The following CADM2 variants were observed in gnomAD, a reference collection of about 807,000 sequenced individuals.
CADM2 encodes the protein immunoglobulin superfamily member 4D.
Under a neutral mutation model 49.8 loss-of-function variants are expected in CADM2, and 12 were observed. That is an observed-to-expected ratio of 0.24 (90% CI 0.15 to 0.39). CADM2 has a LOEUF of 0.39. Among genes scored for constraint, CADM2 ranks in the 10% least tolerant of loss-of-function variants. CADM2 has a pLI of 1.00. For missense variants in CADM2, 378 were observed against 492.3 expected (o/e 0.77, Z 2.20); for synonymous variants, 214 against 175.4 (o/e 1.22, Z -1.74).
chr3:85,039,104 C>T (rs543379141), intron 1 of CADM2, among the ~76,000 whole-genome samples: 1 of 152,162 alleles, frequency 6.6e-6, no homozygotes, highest in Admixed American at 6.5e-5. Context: ...TCGGTTCAAG[C>T]GATTCTCCTG....
intron 1 of CADM2, among the ~76,000 whole-genome samples, chr3:85,415,099 A>G (rs1446489454): frequency 1.3e-5 from 2 of 152,192 alleles, no homozygotes; most frequent in African/African-American, 4.8e-5. Flanking sequence ...TTTGCTATAT[A>G]AAGTGTTGCC....
At position 85,312,971 on chromosome 3, in the gene CADM2, A is replaced by G. The variant is rs372458390; in HGVS notation, c.61+353303A>G. 4.6e-5 allele frequency among the ~76,000 whole-genome samples: 7 copies of G among 152,316 alleles called. No individual in the cohort carries two copies. In the East Asian group the frequency reaches 9.6e-4, roughly 21 times the overall value. The stretch of plus-strand genomic sequence containing the variant: ...TAGCTTCAACTGTGCATTTCCCCTT[A>G]TCACATTTAATCCCAGAGGCACATT... On this transcript the variant is annotated intron_variant, in intron 1 of 9. Coordinates refer to ENST00000383699, the MANE Select transcript of CADM2 (RefSeq NM_001167675.2).
intron 8 of CADM2, among the ~76,000 whole-genome samples, chr3:86,032,369 A>G (rs2107160474): frequency 6.6e-6 from 1 of 152,024 alleles, no homozygotes; most frequent in African/African-American, 2.4e-5. Flanking sequence ...AACATTTAGT[A>G]AACAATGCTA....
intron 1 of CADM2, among the ~76,000 whole-genome samples, chr3:85,695,620 A>G (rs1328918864): frequency 6.6e-6 from 1 of 152,002 alleles, no homozygotes; most frequent in African/African-American, 2.4e-5. Flanking sequence ...ACACAAACAC[A>G]CTTACATACA....
intron 8 of CADM2, among the ~76,000 whole-genome samples, chr3:86,022,318 A>C (rs1733298324): frequency 6.6e-6 from 1 of 152,100 alleles, no homozygotes; most frequent in African/African-American, 2.4e-5. Flanking sequence ...AATAACTATA[A>C]GCCTCAGTTA....
chr3:85,641,947 A>T (rs2064731147), intron 1 of CADM2, among the ~76,000 whole-genome samples: 1 of 152,170 alleles, frequency 6.6e-6, no homozygotes, highest in Non-Finnish European at 1.5e-5. Context: ...AATTAAAAAA[A>T]AGAAAGAATG....
At chr3:85,132,384 G>A (rs1385725823) in intron 1 of CADM2, among the ~76,000 whole-genome samples, 1 of 152,102 alleles carries the variant, frequency 6.6e-6, no homozygotes, top group Non-Finnish European at 1.5e-5. Flanking sequence ...TAGAACTTTG[G>A]AGTTTGAGGT....
intron 1 of CADM2, among the ~76,000 whole-genome samples, chr3:85,410,522 A>G (rs2035607396): frequency 6.6e-6 from 1 of 152,100 alleles, no homozygotes; most frequent in Non-Finnish European, 1.5e-5. Flanking sequence ...CTATAATTTG[A>G]TATTTTCTAC....
At chr3:85,711,593 A>C (rs775647066) in intron 1 of CADM2, among the ~76,000 whole-genome samples, 3 of 152,126 alleles carry the variant, frequency 2.0e-5, no homozygotes, top group Non-Finnish European at 2.9e-5. Flanking sequence ...TATCTTTTCC[A>C]ATTTACATTC....
chr3:85,033,541 T>C (rs570302093), intron 1 of CADM2, among the ~76,000 whole-genome samples: 22 of 152,298 alleles, frequency 1.4e-4, no homozygotes, highest in African/African-American at 5.1e-4. Flanking sequence ...TTCCTTGTAT[T>C]GTAACTATAT....
At chr3:85,467,633 C>A (rs1337858665) in intron 1 of CADM2, among the ~76,000 whole-genome samples, 1 of 151,856 alleles carries the variant, frequency 6.6e-6, no homozygotes, top group Non-Finnish European at 1.5e-5. Context: ...ACTCTGTTAA[C>A]TTTTGAAAGA....
intron 1 of CADM2, among the ~76,000 whole-genome samples, chr3:85,550,084 A>G (rs1006704341): frequency 6.6e-6 from 1 of 152,160 alleles, no homozygotes. Context: ...ACAGCCTTTT[A>G]CCGATGAGAT....
At position 85,769,576 on chromosome 3, in the gene CADM2, T is replaced by TATATACATATATAGTATATACAC. The variant is rs1559644706; in HGVS notation, c.89-32465_89-32443dup. On this transcript the variant is annotated intron_variant, in intron 2 of 9. Coordinates refer to ENST00000383699, the MANE Select transcript of CADM2 (RefSeq NM_001167675.2). ...ATATGTATATATACACGTATATACA[T>TATATACATATATAGTATATACAC]ATATACATATATAGTATATACACAT... Among the ~76,000 whole-genome samples the TATATACATATATAGTATATACAC allele has an allele frequency of 2.5e-4, 28 of 110,500 alleles. 3 individuals carry two copies. The highest frequency in any genetic ancestry group is 4.3e-4 in the Non-Finnish European group (25 of 58,182). 72.5% of individuals were successfully genotyped at this position (110,500 alleles called of 152,430 possible).
intron 1 of CADM2, among the ~76,000 whole-genome samples, chr3:85,603,057 A>G (rs79589798): frequency 0.08 from 12,156 of 151,812 alleles, 949 homozygotes; most frequent in African/African-American, 0.19. Flanking sequence ...GTTACTTTAA[A>G]CACTGTGTTC....
chr3:86,067,135 T>G lies in CADM2; in HGVS notation c.*352T>G, dbSNP rs1739424236. 1 of 187,970 alleles carries G rather than the reference T, an allele frequency of 5.3e-6. No individual in the cohort carries two copies. Among genetic ancestry groups the G allele is most frequent in the Non-Finnish European group, 1.1e-5 (1 of 89,712 alleles). 11.6% of individuals were successfully genotyped at this position (187,970 alleles called of 1,614,324 possible). A position where few individuals can be genotyped will look rare whatever the true frequency, so the allele number is the denominator to read the frequency against. ...ATGCAGAGTTTTTTTCCCCCATTTT[T>G]TCCCCTTTAAGTCATAGACCTTATC... On this transcript the variant is annotated 3_prime_UTR_variant, in exon 10 of 10. Transcript: ENST00000383699.
chr3:85,187,899 A>T (rs2041102779), intron 1 of CADM2, among the ~76,000 whole-genome samples: 1 of 151,990 alleles, frequency 6.6e-6, no homozygotes, highest in African/African-American at 2.4e-5. Context: ...GAAGTCCTTG[A>T]TGTATCAGAA....
rs577604958 is a variant in CADM2 at position 85,850,314 on chromosome 3, CTTTTTTT to C, written c.239-32955_239-32949del. Among the ~76,000 whole-genome samples, 3 of 76,064 alleles carry C rather than the reference CTTTTTTT, an allele frequency of 3.9e-5. 1 individual carries two copies. Among genetic ancestry groups the C allele is most frequent in the Non-Finnish European group, 5.0e-5 (2 of 39,672 alleles). The allele number at this position is 76,064 out of a possible 152,430, so 49.9% of individuals were successfully genotyped here. On this transcript the variant is annotated intron_variant, in intron 3 of 9. Transcript: ENST00000383699. ...CTCTCTGTTCTGGTCTGTTGCAATT[CTTTTTTT>C]TTTTTTTTTTTTTTTTTTTTTGAGA...
chr3:85,716,864 T>G (rs898677367), intron 1 of CADM2, among the ~76,000 whole-genome samples: 1 of 152,132 alleles, frequency 6.6e-6, no homozygotes, highest in East Asian at 1.9e-4. Context: ...TATATCTGAT[T>G]TGGTGCCAGA....
intron 2 of CADM2, among the ~76,000 whole-genome samples, chr3:85,797,186 A>T (rs2071680688): frequency 6.6e-6 from 1 of 152,030 alleles, no homozygotes; most frequent in Non-Finnish European, 1.5e-5. Context: ...ACATAGCAAT[A>T]AACATTCTCT....
Sources: gnomAD v4.1 joint callset for allele counts (sites outside exome capture counted in the v4.1 genomes callset) on GRCh38, gnomAD v4.1.1 for gene constraint, MANE v1.5 for transcripts, NCBI Gene and HGNC (gene_info 2026-07-23, HGNC 2026-07-21) for gene names.